Variants in SPMIP3 observed in about 807,000 individuals in gnomAD.
The protein encoded by SPMIP3 is sperm microtubule inner protein 3.
the SPMIP3 span, chr1:244,376,545 AC>A: frequency 6.6e-6 from 1 of 152,202 alleles, no homozygotes; most frequent in Non-Finnish European, 1.5e-5. Context: ...ATTGAAAATT[AC>A]CCACAATATC....
At chr1:244,379,926 C>A in the SPMIP3 span, among the ~76,000 whole-genome samples, 1 of 150,230 alleles carries the variant, frequency 6.7e-6, no homozygotes, top group Non-Finnish European at 1.5e-5. Flanking sequence ...CGAGATCGTG[C>A]GACTGCACTC....
the SPMIP3 span, among the ~76,000 whole-genome samples, chr1:244,371,115 T>TCC: frequency 1.3e-5 from 2 of 152,176 alleles, no homozygotes; most frequent in Non-Finnish European, 2.9e-5. Context: ...TAAGCCCAGA[T>TCC]CCCACTCCAT....
chr1:244,388,822 T>C, the SPMIP3 span: 1 of 648,296 alleles, frequency 1.5e-6, no homozygotes, highest in Non-Finnish European at 2.7e-6. Flanking sequence ...TCCCACATTT[T>C]AAATGCATTC....
chr1:244,365,629 C>T, the SPMIP3 span, among the ~76,000 whole-genome samples: 1 of 152,168 alleles, frequency 6.6e-6, no homozygotes, highest in African/African-American at 2.4e-5. Context: ...CAGAAGCCAA[C>T]ATGGTGAATT....
the SPMIP3 span, among the ~76,000 whole-genome samples, chr1:244,374,886 C>T: frequency 6.6e-6 from 1 of 152,130 alleles, no homozygotes; most frequent in Non-Finnish European, 1.5e-5. Context: ...GTGTGAGCCA[C>T]CGTGCCCAGC....
chr1:244,360,367 G>C, the SPMIP3 span, among the ~76,000 whole-genome samples: 3,221 of 152,160 alleles, frequency 0.021, 187 homozygotes, highest in East Asian at 0.25. Context: ...TCACTGCTGG[G>C]TATATATCGA....
chr1:244,383,569 T>C, the SPMIP3 span, among the ~76,000 whole-genome samples: 3 of 152,138 alleles, frequency 2.0e-5, no homozygotes, highest in South Asian at 2.1e-4. Flanking sequence ...AGAGTTTATA[T>C]GGGGTTATAG....
At chr1:244,377,617 TAATA>T in the SPMIP3 span, among the ~76,000 whole-genome samples, 1 of 152,204 alleles carries the variant, frequency 6.6e-6, no homozygotes, top group East Asian at 1.9e-4. Context: ...TTCAAGGTCT[TAATA>T]TATATCACCA....
the SPMIP3 span, among the ~76,000 whole-genome samples, chr1:244,386,280 T>C: frequency 1.3e-5 from 2 of 152,246 alleles, no homozygotes; most frequent in African/African-American, 2.4e-5. Context: ...AGTTTCTCTG[T>C]GGTTATCAAC....
the SPMIP3 span, among the ~76,000 whole-genome samples, chr1:244,376,828 T>A: frequency 2.6e-5 from 4 of 152,032 alleles, no homozygotes; most frequent in African/African-American, 9.7e-5. Context: ...TTTTTTTTTT[T>A]AGATGGAGTC....
the SPMIP3 span, among the ~76,000 whole-genome samples, chr1:244,358,697 G>T: frequency 1.3e-5 from 2 of 151,844 alleles, no homozygotes; most frequent in Non-Finnish European, 2.9e-5. Context: ...TAGAATTCAT[G>T]GATGGTTCTA....
chr1:244,388,431 G>A, the SPMIP3 span, among the ~76,000 whole-genome samples: 2 of 148,266 alleles, frequency 1.3e-5, no homozygotes, highest in South Asian at 2.1e-4. Flanking sequence ...TCTTGCCTTT[G>A]CTATTGACTG....
chr1:244,379,297 C>T, the SPMIP3 span, among the ~76,000 whole-genome samples: 1 of 151,508 alleles, frequency 6.6e-6, no homozygotes. Context: ...GAACTCCTGG[C>T]CTAAAGCAAT....
the SPMIP3 span, among the ~76,000 whole-genome samples, chr1:244,359,377 C>T: frequency 1.3e-5 from 2 of 152,044 alleles, no homozygotes; most frequent in Non-Finnish European, 2.9e-5. Context: ...GATTAATAAC[C>T]AGAATATATA....
At chr1:244,386,697 TTAAATC>T in the SPMIP3 span, among the ~76,000 whole-genome samples, 1 of 152,220 alleles carries the variant, frequency 6.6e-6, no homozygotes, top group Non-Finnish European at 1.5e-5. Flanking sequence ...TCACACTCGA[TTAAATC>T]TAAAAATCCT....
chr1:244,381,340 T>C, the SPMIP3 span, among the ~76,000 whole-genome samples: 3 of 152,120 alleles, frequency 2.0e-5, no homozygotes, highest in African/African-American at 7.2e-5. Flanking sequence ...GCCTCCAGTT[T>C]CCAAAGTGAC....
chr1:244,365,437 ACT>A, the SPMIP3 span, among the ~76,000 whole-genome samples: 1 of 151,888 alleles, frequency 6.6e-6, no homozygotes, highest in South Asian at 2.1e-4. Context: ...CCCTGAACAA[ACT>A]CTCTTGCCTG....
At chr1:244,381,059 G>A in the SPMIP3 span, among the ~76,000 whole-genome samples, 30 of 152,184 alleles carry the variant, frequency 2.0e-4, no homozygotes, top group African/African-American at 7.2e-4. Context: ...GGGAGGGCGT[G>A]CAGAGTGGTA....
the SPMIP3 span, among the ~76,000 whole-genome samples, chr1:244,374,587 CTTTTTTTTTT>C: frequency 9.4e-5 from 7 of 74,618 alleles, no homozygotes; most frequent in East Asian, 3.7e-4. Flanking sequence ...CCACATTTCT[CTTTTTTTTTT>C]TTTTTTTTTT....
Sources: allele counts gnomAD v4.1 joint callset (sites outside exome capture counted in the v4.1 genomes callset), GRCh38; gene constraint gnomAD v4.1.1; transcripts MANE v1.5; gene names NCBI Gene and HGNC (gene_info 2026-07-23, HGNC 2026-07-21).